Variants in TAFA1 observed in about 807,000 individuals in gnomAD.
TAFA1 encodes chemokine-like protein TAFA-1.
In TAFA1, 4 loss-of-function variants were observed where a neutral mutation model predicts 18.5. The ratio of observed to expected loss-of-function variants is 0.22; its 90% CI spans 0.11 to 0.49. TAFA1 has a LOEUF of 0.49. Ranked by LOEUF, TAFA1 falls within the 20% of genes least tolerant of loss-of-function variation. The probability of loss-of-function intolerance (pLI) is 0.98; values close to 1 mark genes in which losing one functional copy is unlikely to be tolerated. For missense variants in TAFA1, 147 were observed against 169.0 expected (o/e 0.87, Z 0.72); for synonymous variants, 56 against 55.2 (o/e 1.01, Z -0.06).
chr3:68,080,416 CTT>C (rs1248132681), intron 2 of TAFA1, among the ~76,000 whole-genome samples: 2 of 152,044 alleles, frequency 1.3e-5, no homozygotes, highest in South Asian at 4.2e-4. Context: ...TCTCGATGGT[CTT>C]TACATTTTGG....
chr3:68,267,006 T>C (rs1444949154), intron 2 of TAFA1, among the ~76,000 whole-genome samples: 1 of 152,078 alleles, frequency 6.6e-6, no homozygotes, highest in African/African-American at 2.4e-5. Flanking sequence ...TGGGTGCCAA[T>C]AAAAACAGAT....
At chr3:68,422,203 C>G (rs1423537626) in intron 3 of TAFA1, among the ~76,000 whole-genome samples, 1 of 152,096 alleles carries the variant, frequency 6.6e-6, no homozygotes, top group Non-Finnish European at 1.5e-5. Context: ...CAAGTGAATA[C>G]ATATTCTTCA....
intron 2 of TAFA1, among the ~76,000 whole-genome samples, chr3:68,149,563 G>C (rs1305188893): frequency 6.6e-6 from 1 of 152,180 alleles, no homozygotes; most frequent in African/African-American, 2.4e-5. Context: ...GGAAGTAAGA[G>C]AGAGGGGTGT....
chr3:68,471,677 C>T (rs2071999508), intron 3 of TAFA1, among the ~76,000 whole-genome samples: 1 of 152,140 alleles, frequency 6.6e-6, no homozygotes. Context: ...TTAGATGGTG[C>T]CCACCCAAAT....
chr3:68,038,861 ATG>A (rs1705107773), intron 2 of TAFA1, among the ~76,000 whole-genome samples: 1 of 152,192 alleles, frequency 6.6e-6, no homozygotes. Flanking sequence ...CTTGTTTACA[ATG>A]CATAACTCTA....
chr3:68,437,737 C>T (rs1462328232), intron 3 of TAFA1, among the ~76,000 whole-genome samples: 3 of 152,096 alleles, frequency 2.0e-5, no homozygotes, highest in African/African-American at 7.2e-5. Flanking sequence ...AATATTGCCA[C>T]ACTGGGGATT....
intron 2 of TAFA1, among the ~76,000 whole-genome samples, chr3:68,405,641 A>G (rs574477220): frequency 2.1e-4 from 29 of 137,300 alleles, no homozygotes; most frequent in Admixed American, 4.1e-4. Flanking sequence ...CCAAGGCTGT[A>G]GTGAGCTGTG....
intron 2 of TAFA1, among the ~76,000 whole-genome samples, chr3:68,062,453 G>T (rs966170149): frequency 1.3e-5 from 2 of 152,156 alleles, no homozygotes; most frequent in African/African-American, 2.4e-5. Context: ...ACTAGTTCAT[G>T]ACTTCTGGAG....
chr3:68,507,228 A>G (rs1382945025), intron 3 of TAFA1, among the ~76,000 whole-genome samples: 1 of 152,060 alleles, frequency 6.6e-6, no homozygotes, highest in Non-Finnish European at 1.5e-5. Flanking sequence ...CCATAGAGCC[A>G]CCACTGGGCC....
intron 2 of TAFA1, among the ~76,000 whole-genome samples, chr3:68,203,739 C>T (rs537653254): frequency 6.6e-6 from 1 of 151,762 alleles, no homozygotes; most frequent in East Asian, 2.0e-4. Flanking sequence ...TTTCCCCATG[C>T]CAGTTAGGCT....
At chr3:68,499,069 G>A (rs1232199758) in intron 3 of TAFA1, among the ~76,000 whole-genome samples, 1 of 151,934 alleles carries the variant, frequency 6.6e-6, no homozygotes, top group East Asian at 1.9e-4. Flanking sequence ...CATTAAAATG[G>A]AACTGGAGAA....
intron 2 of TAFA1, among the ~76,000 whole-genome samples, chr3:68,139,904 G>A (rs1050933530): frequency 1.1e-4 from 17 of 152,142 alleles, no homozygotes; most frequent in African/African-American, 3.6e-4. Flanking sequence ...GTGATATTGG[G>A]TAATGTCAAA....
At chr3:68,515,805 G>A (rs2072912019) in intron 3 of TAFA1, among the ~76,000 whole-genome samples, 1 of 152,202 alleles carries the variant, frequency 6.6e-6, no homozygotes, top group Non-Finnish European at 1.5e-5. Context: ...ATTAGATGGA[G>A]TGCTATACAC....
At chr3:68,424,320 G>C (rs887583014) in intron 3 of TAFA1, among the ~76,000 whole-genome samples, 8 of 151,914 alleles carry the variant, frequency 5.3e-5, no homozygotes, top group African/African-American at 1.9e-4. Context: ...ATGAGAAAGA[G>C]AGGGTCAGAG....
At chr3:68,445,224 T>C (rs989819590) in intron 3 of TAFA1, among the ~76,000 whole-genome samples, 2 of 152,192 alleles carry the variant, frequency 1.3e-5, no homozygotes, top group Non-Finnish European at 2.9e-5. Context: ...TAGCAGATTA[T>C]GTATAGTACC....
At chr3:68,435,628 G>A (rs1035913852) in intron 3 of TAFA1, among the ~76,000 whole-genome samples, 73 of 152,236 alleles carry the variant, frequency 4.8e-4, no homozygotes, top group African/African-American at 1.8e-3. Flanking sequence ...GATATTTAGG[G>A]TAACAAAGTT....
intron 2 of TAFA1, among the ~76,000 whole-genome samples, chr3:68,195,954 T>G (rs1408134359): frequency 6.6e-6 from 1 of 151,718 alleles, no homozygotes; most frequent in Non-Finnish European, 1.5e-5. Flanking sequence ...TCACTTATAA[T>G]GTACATATCT....
chr3:68,497,599 G>A (rs1296510995), intron 3 of TAFA1, among the ~76,000 whole-genome samples: 1 of 152,104 alleles, frequency 6.6e-6, no homozygotes, highest in African/African-American at 2.4e-5. Context: ...AAACAGCCTG[G>A]TTCCTTCCAG....
At chr3:68,388,475 A>AT (rs1249521740) in intron 2 of TAFA1, among the ~76,000 whole-genome samples, 1 of 151,496 alleles carries the variant, frequency 6.6e-6, no homozygotes, top group Non-Finnish European at 1.5e-5. Flanking sequence ...ATATTTTTGC[A>AT]TTTTTTCTCT....
Sources: gnomAD v4.1 joint callset for allele counts (sites outside exome capture counted in the v4.1 genomes callset) on GRCh38, gnomAD v4.1.1 for gene constraint, MANE v1.5 for transcripts, NCBI Gene and HGNC (gene_info 2026-07-23, HGNC 2026-07-21) for gene names.